The following PLEKHH1 variants were observed in gnomAD, a reference collection of about 807,000 sequenced individuals.
The protein encoded by PLEKHH1 is pleckstrin homology domain-containing family H member 1.
PLEKHH1 carries 104 observed loss-of-function variants against 160.0 expected under a neutral mutation model. The observed-to-expected ratio is 0.65, with a 90% CI of 0.55 to 0.76. PLEKHH1 has a LOEUF of 0.76. Among genes scored for constraint, PLEKHH1 ranks in the 30% least tolerant of loss-of-function variants. The pLI is 0.00. For synonymous variants in PLEKHH1, 619 were observed against 678.4 expected (o/e 0.91, Z 1.36); for missense variants, 1,427 against 1,724.1 (o/e 0.83, Z 3.05).
At position 67,574,365 on chromosome 14, in the gene PLEKHH1, G is replaced by C; in HGVS notation, c.2050G>C (p.Gly684Arg). ...CACCGGGCCTCCAGCTCTGCTTCGGGGTGGCACCAAGCCCACCGTGAAGGG... is the reference window on the plus strand; with the variant it reads ...CACCGGGCCTCCAGCTCTGCTTCGGCGTGGCACCAAGCCCACCGTGAAGGG... ...QATGPPALLRGGTKPTVKGWL... is the reference protein window; with the variant it reads ...QATGPPALLRRGTKPTVKGWL... The change falls in exon 14 of 29, where the codon GGT becomes CGT. Residue 684 changes from glycine to arginine, a missense_variant. By Grantham distance (125) the Gly-to-Arg change is moderately radical (BLOSUM62 -2). Transcript: ENST00000329153. The surrounding 1 kb of genome is among the most constrained non-coding windows in gnomAD (Gnocchi z 4.2). 1 of 1,592,660 alleles carries C rather than the reference G, an allele frequency of 6.3e-7. No homozygotes were observed. The highest frequency in any genetic ancestry group is 8.6e-7 in the Non-Finnish European group (1 of 1,169,538).
intron 2 of PLEKHH1, among the ~76,000 whole-genome samples, chr14:67,550,440 C>G (rs190060463): frequency 2.0e-5 from 3 of 152,224 alleles, no homozygotes; most frequent in African/African-American, 7.2e-5. Flanking sequence ...CCATCCGCCT[C>G]GGCCTCCCAA....
At position 67,571,900 on chromosome 14, in the gene PLEKHH1, G is replaced by C; in HGVS notation, c.1583G>C (p.Arg528Thr). The change falls in exon 10 of 29, where the codon AGA (arginine) becomes ACA (threonine). Residue 528 changes from arginine to threonine, a missense_variant and splice_region_variant. Arg to Thr is a moderately conservative substitution (Grantham distance 71, BLOSUM62 -1). This residue lies in a region of PLEKHH1 where 831 missense variants were observed against 929.2 expected (regional missense o/e 0.89). Coordinates refer to ENST00000329153, the MANE Select transcript of PLEKHH1 (RefSeq NM_020715.3). Reference protein sequence around the residue: ...SGLGSPRAIKRGVSMSSLSSE... With the variant: ...SGLGSPRAIKTGVSMSSLSSE... ...CTAGGCAGCCCCCGGGCCATCAAGA[G>C]AGGTACAGAGAAGGGGAGCAGGGGC... 1 of 1,607,052 alleles carries C rather than the reference G, an allele frequency of 6.2e-7. No individual in the cohort carries two copies. The highest frequency in any genetic ancestry group is 8.5e-7 in the Non-Finnish European group (1 of 1,176,608).
chr14:67,565,650 C>G (rs1283268512), intron 7 of PLEKHH1, among the ~76,000 whole-genome samples: 1 of 152,174 alleles, frequency 6.6e-6, no homozygotes, highest in Non-Finnish European at 1.5e-5. Context: ...GACATCCCCT[C>G]CACAGATGCT....
At chr14:67,554,319 G>A (rs1013324505) in intron 2 of PLEKHH1, among the ~76,000 whole-genome samples, 2 of 152,320 alleles carry the variant, frequency 1.3e-5, no homozygotes, top group South Asian at 4.1e-4. Flanking sequence ...CAGTTCACTG[G>A]TAAATATCAG....
Position 67,578,605 on chromosome 14 carries a change from G to A in PLEKHH1, c.2823G>A (p.Gln941=). The change falls in exon 20 of 29, where the codon CAG becomes CAA. Residue 941 remains glutamine (Q), a synonymous_variant. Coordinates refer to ENST00000329153, the MANE Select transcript of PLEKHH1 (RefSeq NM_020715.3). The surrounding 1 kb of genome is among the most constrained non-coding windows in gnomAD (Gnocchi z 5.0). ...PQHHFLWYVK[Q]QLQRHADPRS... is the part of the protein sequence containing the mutation. ...ATCACTTCCTCTGGTATGTCAAGCA[G>A]CAGCTCCAACGCCATGCAGATCCCA... is the stretch of plus-strand genomic sequence containing the variant. The A allele has an allele frequency of 6.2e-7, 1 of 1,610,704 alleles. No individual in the cohort carries two copies.
chr14:67,539,062 T>A (rs916234270), intron 1 of PLEKHH1, among the ~76,000 whole-genome samples: 2 of 152,238 alleles, frequency 1.3e-5, no homozygotes, highest in Non-Finnish European at 2.9e-5. Flanking sequence ...CTTGCTTTTA[T>A]GCTTTTACTG....
In PLEKHH1 at chr14:67,585,597, T is replaced by C. The variant is rs1244463819; in HGVS notation, c.3729T>C (p.Ala1243=). 6.3e-7 allele frequency: 1 copy of C among 1,585,750 alleles called. No individual in the cohort carries two copies. Among genetic ancestry groups the C allele is most frequent in the Non-Finnish European group, 8.6e-7 (1 of 1,164,884 alleles). ...CCCAGCTGTCTTCCAAGGAGAACGC[T>C]CTGGTGTGGATTGCTGTGAATGAGG... ...QPAQLSSKEN[A]LVWIAVNEDG... is the part of the protein sequence containing the mutation. Residue 1243 remains alanine (A), a synonymous_variant, in exon 27 of 29, where the codon GCT becomes GCC. Transcript: ENST00000329153.
Position 67,585,602 on chromosome 14 carries a change from T to G in PLEKHH1, c.3734T>G (p.Val1245Gly). ...AQLSSKENAL[V>G]WIAVNEDGVS... ...CTGTCTTCCAAGGAGAACGCTCTGG[T>G]GTGGATTGCTGTGAATGAGGATGGC... The change falls in exon 27 of 29, where the codon GTG becomes GGG. Residue 1245 changes from valine to glycine, a missense_variant. By Grantham distance (109) the Val-to-Gly change is moderately radical. This residue lies in a region of PLEKHH1 where 56 missense variants were observed against 53.0 expected (regional missense o/e 1.06). Transcript: ENST00000329153. The G allele has an allele frequency of 6.3e-7, 1 of 1,584,818 alleles. No individual in the cohort carries two copies. The highest frequency in any genetic ancestry group is 8.6e-7 in the Non-Finnish European group (1 of 1,164,462).
At chr14:67,586,829 C>G (rs1421860548) in intron 28 of PLEKHH1, 1 of 1,477,094 alleles carries the variant, frequency 6.8e-7, no homozygotes, top group South Asian at 1.2e-5. Context: ...GAGCAGAACA[C>G]TGGGCCTCCT....
At position 67,582,293 on chromosome 14, in the gene PLEKHH1, T is replaced by TCTGCAGATC. The variant is rs1167995916; in HGVS notation, c.3426+87_3426+95dup. 2 of 1,601,298 alleles carry TCTGCAGATC rather than the reference T, an allele frequency of 1.2e-6. No homozygotes were observed. The highest frequency in any genetic ancestry group is 1.7e-6 in the Non-Finnish European group (2 of 1,174,672). On this transcript the variant is annotated intron_variant, in intron 24 of 28. Coordinates refer to ENST00000329153, the MANE Select transcript of PLEKHH1 (RefSeq NM_020715.3). This position sits in a 1 kb window ranked among gnomAD's most constrained non-coding sequence, Gnocchi z 5.0. ...ATGCAGCCTGAAACACAGGAGAGATTCTGCAGATCCTGTGGTGCTCAGGAG... is the reference window on the plus strand; with the variant it reads ...ATGCAGCCTGAAACACAGGAGAGATTCTGCAGATCCTGCAGATCCTGTGGTGCTCAGGAG...
At chr14:67,575,741 T>C (rs2035596857) in intron 15 of PLEKHH1, 82 bp from the exon 16 acceptor site, 4 of 1,040,844 alleles carry the variant, frequency 3.8e-6, no homozygotes, top group Non-Finnish European at 5.7e-6. Context: ...ATTCCCAGCT[T>C]CACGGAGCCT....
In PLEKHH1 at chr14:67,562,516, T is replaced by A. The variant is rs1014661117; in HGVS notation, c.885T>A (p.Pro295=). Residue 295 remains proline (P), a synonymous_variant, in exon 7 of 29, where the codon CCT becomes CCA. Transcript: ENST00000329153. ...TTACTGCTCAGAGAGGGATGCTCCC[T>A]GGGACAAAGACCTCTGCCAGGGAAG... The part of the protein sequence containing the change: ...GLVTAQRGML[P]GTKTSAREGG... 4 of 1,611,094 alleles carry A rather than the reference T, an allele frequency of 2.5e-6. No individual in the cohort carries two copies. The South Asian group carries it at 4.4e-5, about 18-fold the overall frequency.
chr14:67,567,210 A>G (rs566705421), intron 7 of PLEKHH1, among the ~76,000 whole-genome samples: 1 of 152,314 alleles, frequency 6.6e-6, no homozygotes, highest in African/African-American at 2.4e-5. Flanking sequence ...TCTCCCAGGC[A>G]GGACCAATGG....
At chr14:67,568,622 AAAAG>A in intron 7 of PLEKHH1, among the ~76,000 whole-genome samples, 1 of 152,320 alleles carries the variant, frequency 6.6e-6, no homozygotes, top group East Asian at 1.9e-4. Flanking sequence ...ATTTTTTAAA[AAAAG>A]AAACAATAGA....
In PLEKHH1 at chr14:67,559,704, C is replaced by T; in HGVS notation, c.423+13C>T. 1.3e-6 allele frequency: 2 copies of T among 1,578,438 alleles called. No homozygotes were observed. The highest frequency in any genetic ancestry group is 1.7e-6 in the Non-Finnish European group (2 of 1,155,178). On this transcript the variant is annotated intron_variant, in intron 5 of 28. Coordinates refer to ENST00000329153, the MANE Select transcript of PLEKHH1 (RefSeq NM_020715.3). ...CAAGTTGGCAAAGGTGGGTTGGAAA[C>T]TCATCTTGGAGGCCTGCCAGAGGCA...
Position 67,562,726 on chromosome 14 carries a change from G to T in PLEKHH1, c.1095G>T (p.Glu365Asp). 6.2e-7 allele frequency: 1 copy of T among 1,613,568 alleles called. No homozygotes were observed. The highest frequency in any genetic ancestry group is 1.1e-5 in the South Asian group (1 of 90,944). Reference protein sequence around the residue: ...ALHPSGLPELESRARSREEPE... With the variant: ...ALHPSGLPELDSRARSREEPE... ...ACCCCTCTGGCCTTCCTGAGCTGGA[G>T]TCCCGAGCTAGGTCCCGGGAGGAAC... is the stretch of plus-strand genomic sequence containing the variant. The change falls in exon 7 of 29, where the codon GAG (glutamate) becomes GAT (aspartate). Residue 365 changes from glutamate to aspartate, a missense_variant. Transcript: ENST00000329153.
rs373936892 is a variant in PLEKHH1, at chr14:67,576,498, A to T, written c.2456A>T (p.Asp819Val). Residue 819 changes from aspartate to valine, a missense_variant, in exon 17 of 29, where the codon GAT (aspartate) becomes GTT (valine). Around this residue, in one of 6 missense-constraint regions of PLEKHH1, gnomAD observed 436 missense variants for 607.5 expected, o/e 0.72. Transcript: ENST00000329153. This position sits in a 1 kb window ranked among gnomAD's most constrained non-coding sequence, Gnocchi z 4.0. ...GGAAAACTGATGGATGGTGAAGGAG[A>T]TCCAGGTAAGGCAAGGGTGGCCACC... ...LIGKLMDGEG[D>V]PDSPLWRHPM... 5.8e-6 allele frequency: 9 copies of T among 1,558,434 alleles called. No homozygotes were observed. Among genetic ancestry groups the T allele is most frequent in the Non-Finnish European group, 7.1e-6 (8 of 1,129,584 alleles).
chr14:67,539,759 G>A (rs895585172), intron 1 of PLEKHH1, among the ~76,000 whole-genome samples: 14 of 152,174 alleles, frequency 9.2e-5, no homozygotes, highest in Non-Finnish European at 1.9e-4. Context: ...CCATTAACTA[G>A]CTGTACAATT....
intron 2 of PLEKHH1, among the ~76,000 whole-genome samples, chr14:67,544,078 A>G (rs1372925239): frequency 6.6e-6 from 1 of 152,200 alleles, no homozygotes; most frequent in African/African-American, 2.4e-5. Context: ...TCAAGTCAGG[A>G]CTATTATTTC....
Sources: gnomAD v4.1 joint callset for allele counts (sites outside exome capture counted in the v4.1 genomes callset) on GRCh38, gnomAD v4.1.1 for gene constraint, gnomAD v4.1.1 regional missense constraint, Gnocchi (gnomAD v3.1) non-coding constraint, MANE v1.5 for transcripts, NCBI Gene and HGNC (gene_info 2026-07-23, HGNC 2026-07-21) for gene names.